The following CDH20 variants were observed in gnomAD, a reference collection of about 807,000 sequenced individuals.
The protein encoded by CDH20 is cadherin 20.
A neutral mutation model predicts 74.2 loss-of-function variants in CDH20; 29 were observed. The ratio of observed to expected loss-of-function variants is 0.39; its 90% CI spans 0.29 to 0.53. The LOEUF is 0.53. CDH20 is among the 20% of genes least tolerant of loss of function. The pLI is 0.69. For synonymous variants in CDH20, 469 were observed against 405.4 expected (o/e 1.16, Z -1.88); for missense variants, 988 against 1,048.3 (o/e 0.94, Z 0.79).
At chr18:61,379,577 G>A (rs1230167963) in intron 1 of CDH20, among the ~76,000 whole-genome samples, 2 of 152,116 alleles carry the variant, frequency 1.3e-5, no homozygotes, top group African/African-American at 4.8e-5. Context: ...ATTATTAACT[G>A]ATAATTTTTG....
chr18:61,517,537 G>C (rs962538406), intron 6 of CDH20, among the ~76,000 whole-genome samples: 1 of 152,166 alleles, frequency 6.6e-6, no homozygotes, highest in Non-Finnish European at 1.5e-5. Context: ...TGTGCTGTAA[G>C]GAACAGTGCA....
chr18:61,433,641 A>C (rs1187483698), intron 1 of CDH20, among the ~76,000 whole-genome samples: 1 of 152,158 alleles, frequency 6.6e-6, no homozygotes, highest in Non-Finnish European at 1.5e-5. Flanking sequence ...TTTGATCTTG[A>C]GGACTAATGA....
intron 1 of CDH20, among the ~76,000 whole-genome samples, chr18:61,336,817 T>TG (rs5825438): frequency 0.78 from 110,981 of 142,244 alleles, 43,353 homozygotes; most frequent in East Asian, 0.88. Context: ...CCAGAATATA[T>TG]GGGGGGGGGT....
chr18:61,481,561 C>T (rs573885574), intron 1 of CDH20, among the ~76,000 whole-genome samples: 112 of 152,270 alleles, frequency 7.4e-4, no homozygotes, highest in African/African-American at 2.6e-3. Context: ...ACATAATAAA[C>T]ATCAGTGAGA....
At chr18:61,338,530 T>C (rs1909833749) in intron 1 of CDH20, among the ~76,000 whole-genome samples, 1 of 152,190 alleles carries the variant, frequency 6.6e-6, no homozygotes, top group Admixed American at 6.5e-5. Context: ...CTTTTGTTTT[T>C]AGCTTAAGAG....
chr18:61,499,026 G>A (rs185787479), intron 2 of CDH20, among the ~76,000 whole-genome samples, 160 bp from the exon 3 acceptor site: 5 of 152,160 alleles, frequency 3.3e-5, no homozygotes, highest in Admixed American at 6.5e-5. Flanking sequence ...TGATACAATC[G>A]TGTCCAATGC....
At chr18:61,525,967 T>TTC in intron 6 of CDH20, among the ~76,000 whole-genome samples, 1 of 137,782 alleles carries the variant, frequency 7.3e-6, no homozygotes, top group Admixed American at 7.3e-5. Flanking sequence ...CCAGCTAATT[T>TTC]TTTTTTTTTT....
intron 1 of CDH20, among the ~76,000 whole-genome samples, chr18:61,429,466 C>A (rs1244361748): frequency 6.6e-6 from 1 of 152,118 alleles, no homozygotes; most frequent in African/African-American, 2.4e-5. Context: ...AAAATAATCA[C>A]AATTATTATG....
At chr18:61,370,343 G>C (rs1910994151) in intron 1 of CDH20, among the ~76,000 whole-genome samples, 1 of 152,050 alleles carries the variant, frequency 6.6e-6, no homozygotes, top group Admixed American at 6.6e-5. Context: ...GGCATTTCAG[G>C]TGTAATTTAA....
chr18:61,500,761 A>G (rs370414387), intron 4 of CDH20, among the ~76,000 whole-genome samples: 1 of 152,184 alleles, frequency 6.6e-6, no homozygotes, highest in African/African-American at 2.4e-5. Context: ...ATAACTCCCC[A>G]ATAGCCTTCA....
At chr18:61,428,618 G>A (rs143786746) in intron 1 of CDH20, among the ~76,000 whole-genome samples, 331 of 152,218 alleles carry the variant, frequency 2.2e-3, no homozygotes, top group Non-Finnish European at 3.4e-3. Context: ...AGCTTCCACT[G>A]GTTCTTCCAT....
At chr18:61,434,959 C>A (rs1908783506) in intron 1 of CDH20, among the ~76,000 whole-genome samples, 2 of 152,040 alleles carry the variant, frequency 1.3e-5, no homozygotes, top group South Asian at 2.1e-4. Context: ...CCTGTGTTTA[C>A]CCTTTTATTA....
chr18:61,386,401 A>G (rs1256056470), intron 1 of CDH20, among the ~76,000 whole-genome samples: 3 of 152,210 alleles, frequency 2.0e-5, no homozygotes, highest in Non-Finnish European at 4.4e-5. Flanking sequence ...AGAAGGCACT[A>G]TCTATGAACA....
intron 1 of CDH20, among the ~76,000 whole-genome samples, chr18:61,345,109 A>G (rs989797887): frequency 3.9e-5 from 6 of 152,224 alleles, no homozygotes; most frequent in African/African-American, 1.4e-4. Context: ...TCCTGTTCTT[A>G]GGAAGGACTG....
intron 9 of CDH20, among the ~76,000 whole-genome samples, chr18:61,542,772 A>G (rs1015887645): frequency 2.0e-5 from 3 of 152,156 alleles, no homozygotes; most frequent in African/African-American, 7.2e-5. Context: ...GCTTCCATGC[A>G]TGGAGGAAGG....
At chr18:61,339,084 C>T (rs1599023123) in intron 1 of CDH20, among the ~76,000 whole-genome samples, 1 of 151,808 alleles carries the variant, frequency 6.6e-6, no homozygotes, top group African/African-American at 2.4e-5. Context: ...TGCCTGTGAC[C>T]GTTAGTAATA....
At position 61,539,153 on chromosome 18, in the gene CDH20, G is replaced by A; in HGVS notation, c.1530+8G>A. On this transcript the variant is annotated splice_region_variant and intron_variant, in intron 9 of 11. Transcript: ENST00000262717. ...AACGCCAAGGCAGGACAGGTAAGGTGGCCTGTGGGTGGTGCACTCTGCTTA... is the reference window on the plus strand; with the variant it reads ...AACGCCAAGGCAGGACAGGTAAGGTAGCCTGTGGGTGGTGCACTCTGCTTA... 1 of 1,613,960 alleles carries A rather than the reference G, an allele frequency of 6.2e-7. No individual in the cohort carries two copies. The highest frequency in any genetic ancestry group is 1.1e-5 in the South Asian group (1 of 91,044).
intron 1 of CDH20, among the ~76,000 whole-genome samples, chr18:61,488,848 C>G (rs1269419067): frequency 1.3e-5 from 2 of 152,218 alleles, no homozygotes; most frequent in African/African-American, 2.4e-5. Context: ...TCCCAAACAC[C>G]TCCCTGTAGA....
intron 6 of CDH20, among the ~76,000 whole-genome samples, chr18:61,515,245 T>G (rs1173588081): frequency 2.0e-5 from 3 of 152,084 alleles, no homozygotes; most frequent in Non-Finnish European, 1.5e-5. Flanking sequence ...AATATTCGGG[T>G]AGGAGTGACC....
Sources: gnomAD v4.1 joint callset for allele counts (sites outside exome capture counted in the v4.1 genomes callset) on GRCh38, gnomAD v4.1.1 for gene constraint, MANE v1.5 for transcripts, NCBI Gene and HGNC (gene_info 2026-07-23, HGNC 2026-07-21) for gene names.